The following ANK3 variants were observed in gnomAD, a reference collection of about 807,000 sequenced individuals.
ANK3 encodes ankyrin 3, also known as ankyrin-3.
ANK3 carries 57 observed loss-of-function variants against 370.9 expected under a neutral mutation model. That is an observed-to-expected ratio of 0.15 (90% confidence interval 0.12 to 0.19). The LOEUF (loss-of-function observed/expected upper bound fraction) is 0.19, where lower values mean the gene tolerates loss of function less well. ANK3 is among the 10% of genes least tolerant of loss of function. The pLI is 1.00. For synonymous variants in ANK3, 1,929 were observed against 1,946.3 expected, an observed-to-expected ratio of 0.99 and a Z score of 0.23; for missense variants, 4,439 against 5,302.1, an observed-to-expected ratio of 0.84 and a Z score of 5.06.
In ANK3 at chr10:60,186,547, T is replaced by C. The variant is rs560039173; in HGVS notation, c.2085+168A>G. ...CCATTTTTCTTATTGTTTAAACAGA[T>C]TGTTTCCAAATTTTTGCTCTGTTAA... On this transcript the variant is annotated intron_variant, in intron 17 of 43. Transcript: ENST00000280772. 1.3e-5 allele frequency: 10 copies of C among 762,114 alleles called. No individual in the cohort carries two copies. The South Asian group carries it at 1.3e-4, about 10-fold the overall frequency. The allele number at this position is 762,114 out of a possible 1,614,324, so 47.2% of individuals were successfully genotyped here.
intron 1 of ANK3, among the ~76,000 whole-genome samples, chr10:60,631,906 C>T (rs965316243): frequency 6.6e-6 from 1 of 151,776 alleles, no homozygotes; most frequent in Non-Finnish European, 1.5e-5. Context: ...GTAAGGCTAC[C>T]TAAAATAAAA....
At chr10:60,201,708 CTTT>C (rs10544317) in intron 12 of ANK3, among the ~76,000 whole-genome samples, 348 of 120,276 alleles carry the variant, frequency 2.9e-3, no homozygotes, top group African/African-American at 6.3e-3. Flanking sequence ...GAAATCACTT[CTTT>C]TTTTTTTTTT....
intron 18 of ANK3, among the ~76,000 whole-genome samples, chr10:60,177,636 C>T (rs568781526): frequency 1.6e-4 from 22 of 139,116 alleles, no homozygotes; most frequent in South Asian, 2.3e-4. Flanking sequence ...CTCGCTCTGT[C>T]GCCCAGGCTG....
At chr10:60,528,325 G>A (rs562564692) in intron 2 of ANK3, among the ~76,000 whole-genome samples, 1 of 151,512 alleles carries the variant, frequency 6.6e-6, no homozygotes, top group African/African-American at 2.4e-5. Flanking sequence ...TAGTAGAGAC[G>A]GTGTTTCTCC....
intron 7 of ANK3, among the ~76,000 whole-genome samples, chr10:60,241,441 G>T (rs1375506315): frequency 6.6e-6 from 1 of 152,116 alleles, no homozygotes; most frequent in Non-Finnish European, 1.5e-5. Flanking sequence ...CATTTGGGAA[G>T]TTTCTGAAAG....
At chr10:60,547,680 G>GAGAGAC (rs909933073) in intron 2 of ANK3, among the ~76,000 whole-genome samples, 3 of 152,000 alleles carry the variant, frequency 2.0e-5, no homozygotes, top group East Asian at 1.9e-4. Context: ...GACAGAGAGA[G>GAGAGAC]AGAGACAGAG....
intron 37 of ANK3, 144 bp downstream of exon 37, chr10:60,068,493 T>G: frequency 5.8e-6 from 5 of 864,448 alleles, no homozygotes; most frequent in Non-Finnish European, 8.9e-6. Context: ...AATGACATAA[T>G]GAGAAACTAC....
At chr10:60,715,279 A>G (rs1387121142) in intron 1 of ANK3, among the ~76,000 whole-genome samples, 4 of 151,390 alleles carry the variant, frequency 2.6e-5, no homozygotes, top group African/African-American at 9.7e-5. Context: ...GTGAAAGCAA[A>G]CACGGTGTTT....
At chr10:60,687,452 T>A (rs1003221439) in intron 1 of ANK3, among the ~76,000 whole-genome samples, 1 of 151,896 alleles carries the variant, frequency 6.6e-6, no homozygotes, top group Non-Finnish European at 1.5e-5. Context: ...AAAAAAATGC[T>A]CGACATCACT....
chr10:60,449,333 C>CT (rs1038307239), intron 2 of ANK3, among the ~76,000 whole-genome samples: 2 of 151,960 alleles, frequency 1.3e-5, no homozygotes, highest in African/African-American at 2.4e-5. Flanking sequence ...TTTAAACATC[C>CT]TTTTTTGCAC....
intron 2 of ANK3, among the ~76,000 whole-genome samples, chr10:60,516,211 G>A (rs560285588): frequency 1.3e-5 from 2 of 152,196 alleles, no homozygotes; most frequent in Admixed American, 6.5e-5. Context: ...CAATGAAGAT[G>A]TAAATGAAGA....
intron 1 of ANK3, among the ~76,000 whole-genome samples, chr10:60,320,004 T>A (rs947666977): frequency 2.6e-5 from 4 of 152,204 alleles, no homozygotes; most frequent in Admixed American, 6.5e-5. Flanking sequence ...CTTCTTCATA[T>A]AGATCATGTC....
At chr10:60,731,593 G>T (rs751694767) in intron 1 of ANK3, among the ~76,000 whole-genome samples, 77 of 152,174 alleles carry the variant, frequency 5.1e-4, no homozygotes, top group African/African-American at 9.7e-5. Context: ...ATATTCAAAG[G>T]ATTGTTTTGC....
intron 2 of ANK3, among the ~76,000 whole-genome samples, chr10:60,539,477 GA>G (rs1048731342): frequency 6.6e-6 from 1 of 151,826 alleles, no homozygotes; most frequent in Non-Finnish European, 1.5e-5. Flanking sequence ...ATTTGATTTT[GA>G]ACAAAGCATA....
intron 1 of ANK3, among the ~76,000 whole-genome samples, chr10:60,697,134 G>C (rs1451646160): frequency 6.6e-6 from 1 of 151,936 alleles, no homozygotes; most frequent in Admixed American, 6.6e-5. Context: ...GCCAAATCAT[G>C]AGTGAACTCC....
chr10:60,529,734 A>G (rs2076560610), intron 2 of ANK3, among the ~76,000 whole-genome samples: 1 of 152,182 alleles, frequency 6.6e-6, no homozygotes, highest in South Asian at 2.1e-4. Flanking sequence ...ACTGGCATAT[A>G]TGAGATGTGA....
chr10:60,164,261 T>C lies in ANK3; in HGVS notation c.2614+2330A>G, dbSNP rs992561084. On this transcript the variant is annotated intron_variant, in intron 23 of 43. Coordinates refer to ENST00000280772, the MANE Select transcript of ANK3 (RefSeq NM_020987.5). ...GGACCTTAGCAGACAGTAATACTAATATGACTTGAATTAAAAGTGTATTAT... is the reference window on the plus strand; with the variant it reads ...GGACCTTAGCAGACAGTAATACTAACATGACTTGAATTAAAAGTGTATTAT... 5.3e-5 allele frequency among the ~76,000 whole-genome samples: 8 copies of C among 152,168 alleles called. 1 individual carries two copies. Among genetic ancestry groups the C allele is most frequent in the Non-Finnish European group, 1.0e-4 (7 of 68,014 alleles).
At chr10:60,356,798 T>C (rs2057813550) in intron 1 of ANK3, among the ~76,000 whole-genome samples, 1 of 152,216 alleles carries the variant, frequency 6.6e-6, no homozygotes, top group African/African-American at 2.4e-5. Context: ...AACCTCTGCC[T>C]CCTGGGTTTA....
intron 1 of ANK3, among the ~76,000 whole-genome samples, chr10:60,728,919 G>A (rs148439372): frequency 4.6e-5 from 7 of 152,304 alleles, no homozygotes; most frequent in Middle Eastern, 3.4e-3. Flanking sequence ...AGTATCTACT[G>A]TGAGAGGCAT....
Sources: allele counts gnomAD v4.1 joint callset (sites outside exome capture counted in the v4.1 genomes callset), GRCh38; gene constraint gnomAD v4.1.1; transcripts MANE v1.5; gene names NCBI Gene and HGNC (gene_info 2026-07-23, HGNC 2026-07-21).